Variants in CALN1 observed in about 807,000 individuals in gnomAD.
The protein encoded by CALN1 is calneuron 1, also known as calcium-binding protein 8.
CALN1 carries 17 observed loss-of-function variants against 30.6 expected under a neutral mutation model. That is an observed-to-expected ratio of 0.56 (90% CI 0.38 to 0.83). The LOEUF is 0.83. CALN1 is among the 40% of genes least tolerant of loss of function. The pLI is 0.00. For synonymous variants in CALN1, 156 were observed against 131.4 expected (o/e 1.19, Z -1.28); for missense variants, 291 against 354.9 (o/e 0.82, Z 1.45).
chr7:72,411,139 AAAG>A, intron 1 of CALN1, among the ~76,000 whole-genome samples: 1 of 148,758 alleles, frequency 6.7e-6, no homozygotes, highest in Non-Finnish European at 1.5e-5. Flanking sequence ...GAGCAAACAT[AAAG>A]GTTTTACAGA....
intron 5 of CALN1, among the ~76,000 whole-genome samples, chr7:71,918,366 T>G (rs1464175054): frequency 6.6e-6 from 1 of 152,226 alleles, no homozygotes; most frequent in East Asian, 1.9e-4. Context: ...TTCTCAATAA[T>G]GAGCTGATCT....
intron 2 of CALN1, among the ~76,000 whole-genome samples, chr7:72,330,419 G>C (rs758869958): frequency 3.7e-4 from 53 of 142,832 alleles, no homozygotes; most frequent in Non-Finnish European, 6.2e-4. Flanking sequence ...AGGGAGCCAA[G>C]ATCGTGCCAC....
chr7:72,366,114 G>C (rs1803863190), intron 2 of CALN1, among the ~76,000 whole-genome samples: 1 of 150,878 alleles, frequency 6.6e-6, no homozygotes, highest in Admixed American at 6.6e-5. Context: ...ACTAAAGTAT[G>C]GTACATTCCT....
At chr7:72,024,162 C>G (rs949244612) in intron 4 of CALN1, among the ~76,000 whole-genome samples, 5 of 152,138 alleles carry the variant, frequency 3.3e-5, no homozygotes, top group African/African-American at 9.7e-5. Context: ...AGTCATCAAG[C>G]CTTCTTGATT....
chr7:72,246,516 C>T (rs1004035701), intron 3 of CALN1, among the ~76,000 whole-genome samples: 9 of 152,070 alleles, frequency 5.9e-5, no homozygotes, highest in African/African-American at 2.2e-4. Flanking sequence ...TCTATAATTC[C>T]GTGATCAAAA....
intron 3 of CALN1, among the ~76,000 whole-genome samples, chr7:72,133,608 A>T (rs571833664): frequency 7.3e-4 from 111 of 152,332 alleles, no homozygotes; most frequent in African/African-American, 2.6e-3. Flanking sequence ...ATATTCATAT[A>T]GTTTCAAAGT....
intron 3 of CALN1, among the ~76,000 whole-genome samples, chr7:72,122,493 T>C (rs1345332574): frequency 6.6e-6 from 1 of 152,152 alleles, no homozygotes; most frequent in African/African-American, 2.4e-5. Flanking sequence ...TCCCAGTGAT[T>C]TGGGAGGCCA....
intron 3 of CALN1, among the ~76,000 whole-genome samples, chr7:72,175,629 C>A (rs1562691468): frequency 6.6e-6 from 1 of 152,140 alleles, no homozygotes; most frequent in Non-Finnish European, 1.5e-5. Context: ...CTGGCTGCCA[C>A]GCTGGAGAGG....
Position 72,140,611 on chromosome 7 carries a change from T to A in CALN1, c.245-34317A>T, listed in dbSNP as rs117940364. ...ACCTTGGCAGGCAGGGTGTGGCCAGTCTGGGCCTATGTGGCCTATGTCTGT... is the reference window on the plus strand; with the variant it reads ...ACCTTGGCAGGCAGGGTGTGGCCAGACTGGGCCTATGTGGCCTATGTCTGT... On this transcript the variant is annotated intron_variant, in intron 3 of 6. Transcript: ENST00000395275. Among the ~76,000 whole-genome samples, 486 of 152,336 alleles carry A rather than the reference T, an allele frequency of 3.2e-3. 2 individuals carry two copies. The highest frequency in any genetic ancestry group is 5.1e-3 in the Non-Finnish European group (346 of 68,028).
At chr7:71,943,256 CA>C (rs1486190236) in intron 5 of CALN1, among the ~76,000 whole-genome samples, 2 of 152,190 alleles carry the variant, frequency 1.3e-5, no homozygotes, top group African/African-American at 4.8e-5. Context: ...TTAAAACACA[CA>C]CGCGAAACAA....
chr7:71,976,207 T>C (rs891649903), intron 5 of CALN1, among the ~76,000 whole-genome samples: 6 of 151,902 alleles, frequency 3.9e-5, no homozygotes, highest in African/African-American at 1.5e-4. Context: ...CACATGGGGG[T>C]AGATCCCAAG....
chr7:72,367,669 A>G (rs949842671), intron 2 of CALN1, among the ~76,000 whole-genome samples: 1 of 152,020 alleles, frequency 6.6e-6, no homozygotes, highest in African/African-American at 2.4e-5. Context: ...CTCTACAAAT[A>G]AAAATAAAAA....
chr7:71,953,373 G>A (rs1018898451), intron 5 of CALN1, among the ~76,000 whole-genome samples: 17 of 152,012 alleles, frequency 1.1e-4, no homozygotes, highest in Non-Finnish European at 1.5e-5. Flanking sequence ...AAGTAGATGC[G>A]TATCAACACA....
At chr7:72,210,686 G>C (rs950523074) in intron 3 of CALN1, among the ~76,000 whole-genome samples, 4 of 152,008 alleles carry the variant, frequency 2.6e-5, no homozygotes, top group African/African-American at 9.7e-5. Flanking sequence ...GAAAAGTATG[G>C]AGGAAACCAC....
At chr7:72,025,201 T>C (rs1435597743) in intron 4 of CALN1, among the ~76,000 whole-genome samples, 2 of 152,044 alleles carry the variant, frequency 1.3e-5, no homozygotes, top group South Asian at 2.1e-4. Flanking sequence ...TCCCAGCTAC[T>C]TGGGAGGCTG....
chr7:72,439,739 G>A (rs1036961907), intron 1 of CALN1, among the ~76,000 whole-genome samples: 2 of 152,018 alleles, frequency 1.3e-5, no homozygotes, highest in African/African-American at 2.4e-5. Flanking sequence ...ACAATGCCTG[G>A]TTAATTTTTT....
intron 3 of CALN1, among the ~76,000 whole-genome samples, chr7:72,190,292 GCCGAGCCGAGATTGCACCGCTGCACT>G (rs1198976789): frequency 6.6e-6 from 1 of 152,172 alleles, no homozygotes; most frequent in African/African-American, 2.4e-5. Context: ...GTTGCAGTGA[GCCGAGCCGAGATTGCACCGCTGCACT>G]CCAGCCTGGG....
At position 72,187,522 on chromosome 7, in the gene CALN1, C is replaced by T. The variant is rs541496394; in HGVS notation, c.245-81228G>A. ...AGCATAAGCCCTTTTGTGAACTGCA[C>T]GTGCGAGGGATCTAGGTTGCGTGTT... On this transcript the variant is annotated intron_variant, in intron 3 of 6. Transcript: ENST00000395275. Among the ~76,000 whole-genome samples, 7 of 152,200 alleles carry T rather than the reference C, an allele frequency of 4.6e-5. No individual in the cohort carries two copies. In the East Asian group the frequency reaches 7.7e-4, roughly 17 times the overall value.
At chr7:72,404,370 G>A (rs2129562207) in intron 1 of CALN1, among the ~76,000 whole-genome samples, 1 of 152,314 alleles carries the variant, frequency 6.6e-6, no homozygotes, top group African/African-American at 2.4e-5. Flanking sequence ...TGAACACACA[G>A]TTAATCAATG....
Sources: allele counts gnomAD v4.1 joint callset (sites outside exome capture counted in the v4.1 genomes callset), GRCh38; gene constraint gnomAD v4.1.1; transcripts MANE v1.5; gene names NCBI Gene and HGNC (gene_info 2026-07-23, HGNC 2026-07-21).